Variants in NKAIN2 observed in about 807,000 individuals in gnomAD.
NKAIN2 encodes the protein sodium/potassium transporting ATPase interacting 2.
In NKAIN2, 14 loss-of-function variants were observed where a neutral mutation model predicts 32.6. The ratio of observed to expected loss-of-function variants is 0.43; its 90% CI spans 0.28 to 0.67. The LOEUF (loss-of-function observed/expected upper bound fraction) is 0.67. NKAIN2 is among the 30% of genes least tolerant of loss of function. NKAIN2 has a pLI of 0.17. For missense variants in NKAIN2, 198 were observed against 258.3 expected (o/e 0.77, Z 1.60); for synonymous variants, 80 against 87.2 (o/e 0.92, Z 0.46).
At chr6:124,636,026 A>G (rs1288837275) in intron 3 of NKAIN2, among the ~76,000 whole-genome samples, 1 of 152,048 alleles carries the variant, frequency 6.6e-6, no homozygotes, top group Non-Finnish European at 1.5e-5. Context: ...TCTCCAGGAT[A>G]GAGCATATGT....
intron 1 of NKAIN2, among the ~76,000 whole-genome samples, chr6:124,157,921 A>G (rs1226479382): frequency 6.6e-6 from 1 of 152,218 alleles, no homozygotes; most frequent in Non-Finnish European, 1.5e-5. Context: ...ATTTAATTAA[A>G]GATGAAAGTG....
chr6:124,110,779 C>A (rs1785348806), intron 1 of NKAIN2, among the ~76,000 whole-genome samples: 1 of 152,062 alleles, frequency 6.6e-6, no homozygotes, highest in Non-Finnish European at 1.5e-5. Flanking sequence ...ACCACATTTT[C>A]TTTATCCAAC....
chr6:124,729,715 T>C (rs1157443404), intron 4 of NKAIN2, among the ~76,000 whole-genome samples: 2 of 150,282 alleles, frequency 1.3e-5, no homozygotes, highest in Admixed American at 1.3e-4. Context: ...CCAGGGCAAT[T>C]AGGCAGGAGA....
At chr6:124,332,851 A>G (rs1797719402) in intron 2 of NKAIN2, among the ~76,000 whole-genome samples, 1 of 152,240 alleles carries the variant, frequency 6.6e-6, no homozygotes, top group South Asian at 2.1e-4. Context: ...GAAAAAAATA[A>G]CAATAAAATC....
chr6:124,384,979 A>G (rs1772828290), intron 3 of NKAIN2, among the ~76,000 whole-genome samples: 1 of 152,174 alleles, frequency 6.6e-6, no homozygotes. Flanking sequence ...CTTTCTAACT[A>G]TAAGCCATTG....
intron 3 of NKAIN2, among the ~76,000 whole-genome samples, chr6:124,581,370 C>T (rs1335428397): frequency 3.6e-5 from 5 of 139,414 alleles, no homozygotes; most frequent in South Asian, 2.3e-4. Flanking sequence ...ACCCGGGAAG[C>T]GGAGCTTGCA....
chr6:123,935,907 G>T (rs1776484138), intron 1 of NKAIN2, among the ~76,000 whole-genome samples: 1 of 151,772 alleles, frequency 6.6e-6, no homozygotes, highest in Non-Finnish European at 1.5e-5. Context: ...CTATTTTTTT[G>T]TTCACTCTTT....
rs35802663 is a variant in NKAIN2 at position 124,638,887 on chromosome 6, CA to C, written c.274-19277del. Among the ~76,000 whole-genome samples the C allele has an allele frequency of 3.5e-3, 290 of 82,586 alleles. 1 individual carries two copies. The highest frequency in any genetic ancestry group is 0.011 in the African/African-American group (217 of 19,074). The allele number at this position is 82,586 out of a possible 152,430, so 54.2% of individuals were successfully genotyped here. On this transcript the variant is annotated intron_variant, in intron 3 of 6. Coordinates refer to ENST00000368417, the MANE Select transcript of NKAIN2 (RefSeq NM_001040214.3). ...GCCTGGGGGCAGAGTGAGACTCTGTCAAAAAAAAAAAAAAAAAAAAAAGATA... is the reference window on the plus strand; with the variant it reads ...GCCTGGGGGCAGAGTGAGACTCTGTCAAAAAAAAAAAAAAAAAAAAAGATA...
chr6:124,743,808 C>T (rs1034715674), intron 4 of NKAIN2, among the ~76,000 whole-genome samples: 1 of 151,774 alleles, frequency 6.6e-6, no homozygotes, highest in African/African-American at 2.4e-5. Flanking sequence ...TTCACATTTC[C>T]ATGTTCCAAG....
intron 1 of NKAIN2, among the ~76,000 whole-genome samples, chr6:124,247,673 CT>C (rs1793483470): frequency 6.6e-6 from 1 of 152,078 alleles, no homozygotes; most frequent in African/African-American, 2.4e-5. Flanking sequence ...TTCTTTATCT[CT>C]CCTATATTTA....
intron 1 of NKAIN2, among the ~76,000 whole-genome samples, chr6:123,955,724 C>A (rs1777548800): frequency 1.3e-5 from 2 of 151,790 alleles, no homozygotes; most frequent in South Asian, 4.2e-4. Context: ...CTCCTGGTCT[C>A]AAGCCATTCT....
chr6:124,033,652 G>C (rs914736357), intron 1 of NKAIN2, among the ~76,000 whole-genome samples: 1 of 152,050 alleles, frequency 6.6e-6, no homozygotes, highest in African/African-American at 2.4e-5. Flanking sequence ...CCCACTAAAC[G>C]AAAGAAAGGT....
In NKAIN2 at chr6:123,803,924, G is replaced by A. The variant is rs1773096196; in HGVS notation, c.-277G>A. Among the ~76,000 whole-genome samples the A allele has an allele frequency of 6.7e-6, 1 of 149,722 alleles. No homozygotes were observed. The highest frequency in any genetic ancestry group is 2.4e-5 in the African/African-American group (1 of 41,136). The stretch of plus-strand genomic sequence containing the variant: ...CCGCTGCTGCCCCTGCGGGCCCCGA[G>A]CGCGCCTCCGCAGGCGGCACTGCCC... On this transcript the variant is annotated 5_prime_UTR_variant, in exon 1 of 7. Transcript: ENST00000368417.
intron 3 of NKAIN2, among the ~76,000 whole-genome samples, chr6:124,398,313 C>T (rs1214401597): frequency 7.1e-6 from 1 of 140,298 alleles, no homozygotes; most frequent in Non-Finnish European, 1.5e-5. Context: ...TCTCAAATCT[C>T]ATTTGCCTTT....
chr6:124,422,778 T>A (rs1392726747), intron 3 of NKAIN2, among the ~76,000 whole-genome samples: 1 of 152,244 alleles, frequency 6.6e-6, no homozygotes, highest in Non-Finnish European at 1.5e-5. Flanking sequence ...GCAGCAGTGC[T>A]GTGCTGAAGT....
rs1266371788 is a variant in NKAIN2, at chr6:124,383,556, C to G, written c.273+28209C>G. On this transcript the variant is annotated intron_variant, in intron 3 of 6. Transcript: ENST00000368417. ...CTGGATTGGATCTGGTGGGCATGCT[C>G]TTGTGGCCACACACGTGCTGTTCCC... Among the ~76,000 whole-genome samples, 3 of 152,256 alleles carry G rather than the reference C, an allele frequency of 2.0e-5. No homozygotes were observed. The East Asian group carries it at 5.8e-4, about 29-fold the overall frequency.
At chr6:124,226,944 G>T (rs1455664347) in intron 1 of NKAIN2, among the ~76,000 whole-genome samples, 1 of 152,034 alleles carries the variant, frequency 6.6e-6, no homozygotes, top group Non-Finnish European at 1.5e-5. Flanking sequence ...CAATAATCCT[G>T]TAAGAAATAG....
chr6:124,460,346 A>G (rs1334265535), intron 3 of NKAIN2, among the ~76,000 whole-genome samples: 1 of 151,804 alleles, frequency 6.6e-6, no homozygotes, highest in Non-Finnish European at 1.5e-5. Context: ...CAACTGCTGC[A>G]TATGTTTTAG....
At chr6:124,685,669 G>GA (rs140283358) in intron 4 of NKAIN2, among the ~76,000 whole-genome samples, 2,467 of 152,248 alleles carry the variant, frequency 0.016, 35 homozygotes, top group Non-Finnish European at 0.027. Context: ...ATTCTGGTCA[G>GA]AAAAGGCATG....
Sources: gnomAD v4.1 joint callset for allele counts (sites outside exome capture counted in the v4.1 genomes callset) on GRCh38, gnomAD v4.1.1 for gene constraint, MANE v1.5 for transcripts, NCBI Gene and HGNC (gene_info 2026-07-23, HGNC 2026-07-21) for gene names.